Variants in NUTM2G observed in about 807,000 individuals in gnomAD.
The protein encoded by NUTM2G is family with sequence similarity 22, member G.
NUTM2G carries 29 observed loss-of-function variants against 44.3 expected under a neutral mutation model. The ratio of observed to expected loss-of-function variants is 0.66; its 90% confidence interval spans 0.49 to 0.89. NUTM2G has a LOEUF of 0.89. NUTM2G is among the 40% of genes least tolerant of loss of function. The pLI is 0.00. For synonymous variants in NUTM2G, 205 were observed against 395.9 expected (o/e 0.52, Z 5.72); for missense variants, 502 against 946.5 (o/e 0.53, Z 6.16).
In NUTM2G at chr9:96,932,263, C is replaced by A. The variant is rs768762051; in HGVS notation, c.558C>A (p.Gly186=). The part of the protein sequence containing the change: ...GPWPQGAHGE[G]SLAPSQAKAR... ...GGCCACAAGGGGCTCATGGAGAGGG[C>A]AGCCTGGCTCCCTCCCAGGCCAAGG... Residue 186 remains glycine (G), a synonymous_variant, in exon 2 of 7, where the codon GGC becomes GGA. Coordinates refer to ENST00000372322, the MANE Select transcript of NUTM2G (RefSeq NM_001170741.3). 8 of 1,613,744 alleles carry A rather than the reference C, an allele frequency of 5.0e-6. No individual in the cohort carries two copies. In the African/African-American group the frequency reaches 1.1e-4, roughly 22 times the overall value.
chr9:96,937,353 C>T lies in NUTM2G; in HGVS notation c.1272C>T (p.Gly424=), dbSNP rs760598267. The T allele has an allele frequency of 1.2e-6, 2 of 1,613,758 alleles. No individual in the cohort carries two copies. Among genetic ancestry groups the T allele is most frequent in the Admixed American group, 1.7e-5 (1 of 60,000 alleles). The change falls in exon 5 of 7, where the codon GGC becomes GGT. Residue 424 remains glycine (G), a synonymous_variant. Transcript: ENST00000372322. The part of the protein sequence containing the change: ...QEEDGMTSDP[G]LLSYIDKLCS... ...AGGACGGGATGACCTCAGACCCGGG[C>T]CTCCTGAGCTACATTGACAAGCTGT... is the stretch of plus-strand genomic sequence containing the variant.
chr9:96,936,251 T>G (rs1332064224), intron 3 of NUTM2G, among the ~76,000 whole-genome samples, 174 bp from the exon 4 acceptor site: 1 of 150,180 alleles, frequency 6.7e-6, no homozygotes, highest in African/African-American at 2.5e-5. Context: ...TGAGGGAGGG[T>G]GAGCCCAGAA....
intron 4 of NUTM2G, among the ~76,000 whole-genome samples, 166 bp downstream of exon 4, chr9:96,936,730 C>T (rs1337669145): frequency 2.6e-5 from 4 of 152,194 alleles, no homozygotes; most frequent in African/African-American, 9.6e-5. Context: ...ATACCTACTT[C>T]ATGGGTGGCC....
chr9:96,931,364 C>T (rs924656250), intron 1 of NUTM2G, among the ~76,000 whole-genome samples: 1 of 151,492 alleles, frequency 6.6e-6, no homozygotes, highest in Non-Finnish European at 1.5e-5. Context: ...TGCTGCTGAG[C>T]ACACTGAGAG....
Position 96,936,421 on chromosome 9 carries a change from C to A in NUTM2G, c.843-4C>A, listed in dbSNP as rs2479291. 1.9e-3 allele frequency: 3,034 copies of A among 1,575,602 alleles called. 7 individuals carry two copies. The highest frequency in any genetic ancestry group is 8.0e-3 in the Middle Eastern group (35 of 4,396). Reference sequence around the variant, plus strand: ...AGCACAGCCTGGGCCTCCTTCACCCCCAGGTTCCTGGAGTTTGAGGCTGAG... The same window carrying A: ...AGCACAGCCTGGGCCTCCTTCACCCACAGGTTCCTGGAGTTTGAGGCTGAG... On this transcript the variant is annotated splice_polypyrimidine_tract_variant and splice_region_variant and intron_variant, in intron 3 of 6. Transcript: ENST00000372322.
In NUTM2G at chr9:96,937,082, A is replaced by G. The variant is rs758394818; in HGVS notation, c.1001A>G (p.Asp334Gly). Residue 334 changes from aspartate (D) to glycine (G), a missense_variant, in exon 5 of 7, where the codon GAT (aspartate) becomes GGT (glycine). Transcript: ENST00000372322. ...VKQPVYLPSK[D>G]GPKAPTACLP... ...GCCTCAGTGTACCTTCCCAGCAAGG[A>G]TGGCCCCAAGGCCCCGACTGCCTGC... 5 of 1,609,328 alleles carry G rather than the reference A, an allele frequency of 3.1e-6. No individual in the cohort carries two copies. Among genetic ancestry groups the G allele is most frequent in the Non-Finnish European group, 3.4e-6 (4 of 1,179,132 alleles).
chr9:96,930,232 T>C (rs1355632576), intron 1 of NUTM2G, among the ~76,000 whole-genome samples: 1 of 151,696 alleles, frequency 6.6e-6, no homozygotes. Flanking sequence ...CTAGCAGCTG[T>C]GAAAATCCCT....
At chr9:96,929,146 G>C in intron 1 of NUTM2G, 106 bp downstream of exon 1, 1 of 1,574,934 alleles carries the variant, frequency 6.3e-7, no homozygotes, top group Non-Finnish European at 8.7e-7. Context: ...TGATGTTGAG[G>C]GAGCACTGGA....
At chr9:96,929,087 C>T (rs1435094998) in intron 1 of NUTM2G, 47 bp downstream of exon 1, 1 of 1,611,154 alleles carries the variant, frequency 6.2e-7, no homozygotes, top group Non-Finnish European at 8.5e-7. Flanking sequence ...CTTGCCTCAA[C>T]TCCTTGGGAA....
chr9:96,942,046 G>A (rs540968414), downstream of NUTM2G, among the ~76,000 whole-genome samples: 1,347 of 151,948 alleles, frequency 8.9e-3, 9 homozygotes, highest in Middle Eastern at 0.044. Context: ...CACTCTCTGG[G>A]AGCCAGTGCA....
rs1375317077 is a variant in NUTM2G at position 96,936,293 on chromosome 9, G to A, written c.843-132G>A. On this transcript the variant is annotated intron_variant, in intron 3 of 6. Coordinates refer to ENST00000372322, the MANE Select transcript of NUTM2G (RefSeq NM_001170741.3). ...GAGCAGCTCCCTCCTGGGACTGGGG[G>A]ATGGGTCCCAGTGAGGGCCTAGACA... 1.5e-5 allele frequency: 23 copies of A among 1,485,154 alleles called. No individual in the cohort carries two copies. The South Asian group carries it at 2.0e-4, about 13-fold the overall frequency. The allele number at this position is 1,485,154 out of a possible 1,614,324, so 92.0% of individuals were successfully genotyped here.
rs994764011 is a variant in NUTM2G at position 96,933,024 on chromosome 9, G to C, written c.713+606G>C. On this transcript the variant is annotated intron_variant, in intron 2 of 6. Transcript: ENST00000372322. ...ATGGAGTCTCACTCTGTCGCCCAGG[G>C]TGGAGAGCAGTGGCGTGATCTCGGC... is the stretch of plus-strand genomic sequence containing the variant. Among the ~76,000 whole-genome samples the C allele has an allele frequency of 3.2e-4, 48 of 148,716 alleles. 1 individual carries two copies. The East Asian group carries it at 3.4e-3, about 10-fold the overall frequency.
At chr9:96,930,520 T>C (rs1826205335) in intron 1 of NUTM2G, among the ~76,000 whole-genome samples, 2 of 122,480 alleles carry the variant, frequency 1.6e-5, no homozygotes, top group South Asian at 2.7e-4. Context: ...CGAGACTCCG[T>C]CTCAAAAAAA....
intron 2 of NUTM2G, 127 bp downstream of exon 2, chr9:96,932,545 G>A (rs1588200839): frequency 3.0e-6 from 4 of 1,329,092 alleles, no homozygotes; most frequent in East Asian, 4.7e-5. Context: ...GTTGTGCTAT[G>A]GGAAGGTACA....
At chr9:96,929,295 C>A (rs1233746803) in intron 1 of NUTM2G, among the ~76,000 whole-genome samples, 1 of 152,016 alleles carries the variant, frequency 6.6e-6, no homozygotes, top group African/African-American at 2.4e-5. Context: ...TGGCTTGATC[C>A]TTTCTAGAGG....
intron 3 of NUTM2G, among the ~76,000 whole-genome samples, chr9:96,935,796 G>C (rs918710858): frequency 6.6e-6 from 1 of 152,142 alleles, no homozygotes; most frequent in East Asian, 1.9e-4. Context: ...AAGACAGAGT[G>C]GGGGGCAGGC....
At position 96,929,030 on chromosome 9, in the gene NUTM2G, T is replaced by C; in HGVS notation, c.6T>C (p.Ala2=). 3 of 1,610,702 alleles carry C rather than the reference T, an allele frequency of 1.9e-6. No individual in the cohort carries two copies. Among genetic ancestry groups the C allele is most frequent in the Non-Finnish European group, 2.5e-6 (3 of 1,179,650 alleles). The part of the protein sequence containing the change: M[A]SNGAYPVLGP... ...TCAGTGCCCAGCCTGAGGGGATGGC[T>C]TCAAATGGAGGTGAGCCTGTAGGGA... The change falls in exon 1 of 7, where the codon GCT becomes GCC. Residue 2 remains alanine, a synonymous_variant. Transcript: ENST00000372322.
chr9:96,930,872 G>GTTTTTTTTTTTTTTTTTTTTTTTT (rs1168888338), intron 1 of NUTM2G, among the ~76,000 whole-genome samples: 2 of 72,726 alleles, frequency 2.8e-5, no homozygotes, highest in Non-Finnish European at 5.0e-5. Context: ...CCATCCAGTG[G>GTTTTTTTTTTTTTTTTTTTTTTTT]TTTTTTTTTT....
intron 4 of NUTM2G, among the ~76,000 whole-genome samples, 195 bp downstream of exon 4, chr9:96,936,759 T>C (rs747822682): frequency 5.9e-5 from 9 of 152,082 alleles, no homozygotes; most frequent in Non-Finnish European, 8.8e-5. Flanking sequence ...CGAAGCAGGG[T>C]ATTGACCGGG....
Sources: gnomAD v4.1 joint callset for allele counts (sites outside exome capture counted in the v4.1 genomes callset) on GRCh38, gnomAD v4.1.1 for gene constraint, MANE v1.5 for transcripts, NCBI Gene and HGNC (gene_info 2026-07-23, HGNC 2026-07-21) for gene names.